ZNF709: variants seen among roughly 807,000 people sequenced by gnomAD.
The protein encoded by ZNF709 is zinc finger protein 709.
ZNF709 carries 15 observed loss-of-function variants against 10.6 expected under a neutral mutation model. The ratio of observed to expected loss-of-function variants is 1.41; its 90% confidence interval spans 0.95 to 2.18. ZNF709 has a LOEUF of 2.18. Among genes scored for constraint, ZNF709 ranks in the 30% most tolerant of loss-of-function variants. ZNF709 has a pLI of 0.00. For missense variants in ZNF709, 589 were observed against 774.0 expected (o/e 0.76, Z 2.84); for synonymous variants, 194 against 238.8 (o/e 0.81, Z 1.73).
At chr19:12,480,792 T>C (rs1458172972) in intron 1 of ZNF709, among the ~76,000 whole-genome samples, 1 of 152,194 alleles carries the variant, frequency 6.6e-6, no homozygotes, top group African/African-American at 2.4e-5. Context: ...TTTTTGTTTC[T>C]TGAGACAGGG....
intron 1 of ZNF709, among the ~76,000 whole-genome samples, chr19:12,479,026 G>A (rs1342810945): frequency 1.3e-5 from 2 of 152,162 alleles, no homozygotes; most frequent in African/African-American, 2.4e-5. Flanking sequence ...TAAAAGGCCA[G>A]GCACAGTGGT....
chr19:12,484,065 A>G (rs1970755643), intron 1 of ZNF709, among the ~76,000 whole-genome samples: 1 of 152,216 alleles, frequency 6.6e-6, no homozygotes, highest in South Asian at 2.1e-4. Flanking sequence ...TCCTCTGTAC[A>G]AAAAGGATAA....
At chr19:12,474,238 C>A (rs1268247853) in intron 1 of ZNF709, among the ~76,000 whole-genome samples, 1 of 152,148 alleles carries the variant, frequency 6.6e-6, no homozygotes, top group East Asian at 1.9e-4. Flanking sequence ...CTACTCTATG[C>A]TTCTATGAGT....
At position 12,465,717 on chromosome 19, in the gene ZNF709, T is replaced by C. The variant is rs1970564594; in HGVS notation, c.205A>G (p.Arg69Gly). ...CTACCTTCTTTCCTTTCACAGAGCC[T>C]CTCTACCATATGACTTCTGTGAGAA... is the stretch of plus-strand genomic sequence containing the variant. ...GRKLRSHMVE[R>G]LCERKEGSQF... is the part of the protein sequence containing the mutation. Residue 69 changes from arginine to glycine, a missense_variant, in exon 4 of 4, where the codon AGG becomes GGG. Arg to Gly is a moderately radical substitution (Grantham distance 125). Coordinates refer to ENST00000397732, the MANE Select transcript of ZNF709 (RefSeq NM_152601.4). The C allele has an allele frequency of 1.9e-6, 3 of 1,567,548 alleles. No individual in the cohort carries two copies. In the East Asian group the frequency reaches 6.9e-5, roughly 36 times the overall value.
chr19:12,479,601 T>C (rs1390383530), intron 1 of ZNF709, among the ~76,000 whole-genome samples: 1 of 152,200 alleles, frequency 6.6e-6, no homozygotes, highest in Non-Finnish European at 1.5e-5. Flanking sequence ...CCGGGTGCGA[T>C]GGCTCACGCC....
intron 1 of ZNF709, among the ~76,000 whole-genome samples, chr19:12,481,924 AGGG>A (rs1295017835): frequency 2.1e-5 from 3 of 142,860 alleles, no homozygotes; most frequent in Non-Finnish European, 3.1e-5. Context: ...AAAAAAAAAA[AGGG>A]AAGGAAGGAA....
chr19:12,477,233 G>A (rs1970684505), intron 1 of ZNF709, among the ~76,000 whole-genome samples: 1 of 152,142 alleles, frequency 6.6e-6, no homozygotes, highest in Non-Finnish European at 1.5e-5. Context: ...GAGAAGCACG[G>A]GGAATAATCA....
intron 1 of ZNF709, among the ~76,000 whole-genome samples, chr19:12,483,860 C>A (rs1296287619): frequency 2.0e-5 from 3 of 148,274 alleles, no homozygotes; most frequent in African/African-American, 7.3e-5. Flanking sequence ...CTGGAAAGGA[C>A]AGATCTCCCA....
chr19:12,484,169 C>A (rs1160020756), intron 1 of ZNF709, among the ~76,000 whole-genome samples: 2 of 152,216 alleles, frequency 1.3e-5, no homozygotes, highest in African/African-American at 2.4e-5. Flanking sequence ...GGATTTAATC[C>A]CAGCTCTGGG....
intron 1 of ZNF709, among the ~76,000 whole-genome samples, chr19:12,470,955 G>A (rs776041949): frequency 4.0e-5 from 6 of 151,016 alleles, no homozygotes; most frequent in Non-Finnish European, 7.4e-5. Flanking sequence ...GTGGCTTAGC[G>A]TGCCTAAATG....
chr19:12,484,568 G>C, intron 1 of ZNF709, 87 bp downstream of exon 1: 3 of 1,524,054 alleles, frequency 2.0e-6, no homozygotes, highest in Non-Finnish European at 2.7e-6. Context: ...CAACGGCGGG[G>C]AGGCCTGGGT....
Position 12,484,796 on chromosome 19 carries a change from A to G in ZNF709, c.-139T>C. On this transcript the variant is annotated 5_prime_UTR_variant, in exon 1 of 4. Transcript: ENST00000397732. ...CCCAGAGCGGAGCGCAGCGGCTGGT[A>G]GCCACGCCCTCGCCGTTTGCGCAGC... 8.4e-7 allele frequency: 1 copy of G among 1,187,240 alleles called. No individual in the cohort carries two copies. Among genetic ancestry groups the G allele is most frequent in the Non-Finnish European group, 1.2e-6 (1 of 833,932 alleles). The allele number at this position is 1,187,240 out of a possible 1,614,324, so 73.5% of individuals were successfully genotyped here. A position where few individuals can be genotyped will look rare whatever the true frequency, so the allele number is the denominator to read the frequency against.
Position 12,465,286 on chromosome 19 carries a change from T to C in ZNF709, c.636A>G (p.Arg212=). Residue 212 remains arginine, a synonymous_variant, in exon 4 of 4, where the codon CGA becomes CGG. Coordinates refer to ENST00000397732, the MANE Select transcript of ZNF709 (RefSeq NM_152601.4). ...CCCCTGTGTGCATTCTCATGTGTCC[T>C]CGAAAGGTTGTGTGATAAATGAAGG... ...GKAFIYHTTF[R]GHMRMHTGEK... is the part of the protein sequence containing the mutation. 2.5e-6 allele frequency: 4 copies of C among 1,612,920 alleles called. No individual in the cohort carries two copies. Among genetic ancestry groups the C allele is most frequent in the Non-Finnish European group, 3.4e-6 (4 of 1,179,576 alleles).
intron 1 of ZNF709, among the ~76,000 whole-genome samples, chr19:12,474,216 C>A (rs1259946500): frequency 6.6e-6 from 1 of 152,158 alleles, no homozygotes; most frequent in Non-Finnish European, 1.5e-5. Flanking sequence ...CCTTCCCCTG[C>A]AAATTACCAT....
intron 1 of ZNF709, among the ~76,000 whole-genome samples, chr19:12,477,293 C>G (rs1970685121): frequency 6.6e-6 from 1 of 152,186 alleles, no homozygotes; most frequent in African/African-American, 2.4e-5. Flanking sequence ...CTTCAAGGCC[C>G]TGTTCAATTT....
chr19:12,464,423 C>G lies in ZNF709; in HGVS notation c.1499G>C (p.Gly500Ala). 6.2e-7 allele frequency: 1 copy of G among 1,613,048 alleles called. No homozygotes were observed. The highest frequency in any genetic ancestry group is 1.1e-5 in the South Asian group (1 of 90,920). Residue 500 changes from glycine (G) to alanine (A), a missense_variant, in exon 4 of 4, where the codon GGA becomes GCA. This residue lies in a region of ZNF709 where 171 missense variants were observed against 277.7 expected (regional missense o/e 0.62). Transcript: ENST00000397732. ...SFRMHERTHT[G>A]EKPYECKQCG... is the part of the protein sequence containing the mutation. ...TTGTTTACATTCATAGGGTTTCTCTCCAGTGTGAGTCCTTTCATGCATCCG... is the reference window on the plus strand; with the variant it reads ...TTGTTTACATTCATAGGGTTTCTCTGCAGTGTGAGTCCTTTCATGCATCCG...
At chr19:12,483,694 C>A (rs1403797447) in intron 1 of ZNF709, among the ~76,000 whole-genome samples, 1 of 152,032 alleles carries the variant, frequency 6.6e-6, no homozygotes, top group Non-Finnish European at 1.5e-5. Flanking sequence ...TGCACCACCA[C>A]GCCCGGCTAA....
intron 1 of ZNF709, among the ~76,000 whole-genome samples, chr19:12,473,051 A>C (rs1970647496): frequency 6.6e-6 from 1 of 152,234 alleles, no homozygotes; most frequent in Non-Finnish European, 1.5e-5. Context: ...GAATGGAAGA[A>C]AGATCAACTG....
At position 12,464,557 on chromosome 19, in the gene ZNF709, T is replaced by C. The variant is rs759259910; in HGVS notation, c.1365A>G (p.Lys455=). ...EKPYECKQCG[K]AFSCSSSFRM... ...GAAAGGAACTGGAACAACTGAAGGCTTTACCACACTGTTTACATTCATAGG... is the reference window on the plus strand; with the variant it reads ...GAAAGGAACTGGAACAACTGAAGGCCTTACCACACTGTTTACATTCATAGG... The change falls in exon 4 of 4, where the codon AAA becomes AAG. Residue 455 remains lysine (K), a synonymous_variant. Transcript: ENST00000397732. 4 of 1,608,650 alleles carry C rather than the reference T, an allele frequency of 2.5e-6. No homozygotes were observed. Among genetic ancestry groups the C allele is most frequent in the East Asian group, 4.5e-5 (2 of 44,606 alleles).
Sources: gnomAD v4.1 joint callset for allele counts (sites outside exome capture counted in the v4.1 genomes callset) on GRCh38, gnomAD v4.1.1 for gene constraint, gnomAD v4.1.1 regional missense constraint, MANE v1.5 for transcripts, NCBI Gene and HGNC (gene_info 2026-07-23, HGNC 2026-07-21) for gene names.